CNTN4: variants seen among roughly 807,000 people sequenced by gnomAD.
CNTN4 encodes the protein contactin 4, also known as contactin-4.
In CNTN4, 77 loss-of-function variants were observed where a neutral mutation model predicts 122.5. The observed-to-expected ratio is 0.63, with a 90% CI of 0.52 to 0.76. CNTN4 has a LOEUF of 0.76. Ranked by LOEUF, CNTN4 falls within the 30% of genes least tolerant of loss-of-function variation. CNTN4 has a pLI of 0.00. For missense variants in CNTN4, 1,256 were observed against 1,259.1 expected, an observed-to-expected ratio of 1.00 and a Z score of 0.04; for synonymous variants, 512 against 447.0, an observed-to-expected ratio of 1.15 and a Z score of -1.83.
At chr3:2,795,585 A>G (rs2092147729) in intron 6 of CNTN4, among the ~76,000 whole-genome samples, 1 of 147,024 alleles carries the variant, frequency 6.8e-6, no homozygotes, top group Admixed American at 7.0e-5. Flanking sequence ...CGGTGGTGCC[A>G]TCTCGGCTCA....
intron 2 of CNTN4, among the ~76,000 whole-genome samples, chr3:2,137,463 A>G (rs1174167426): frequency 6.6e-6 from 1 of 151,922 alleles, no homozygotes; most frequent in Non-Finnish European, 1.5e-5. Flanking sequence ...TGTCTTGTCT[A>G]TATTTTCATT....
intron 2 of CNTN4, among the ~76,000 whole-genome samples, chr3:2,168,332 G>A (rs893522887): frequency 1.3e-5 from 2 of 152,006 alleles, no homozygotes; most frequent in African/African-American, 4.8e-5. Flanking sequence ...TGAGCTACTT[G>A]GAAATTAAAA....
At chr3:2,896,970 A>G (rs1395050368) in intron 10 of CNTN4, among the ~76,000 whole-genome samples, 1 of 78,914 alleles carries the variant, frequency 1.3e-5, no homozygotes, top group African/African-American at 5.5e-5. Context: ...CCTTTCTTTT[A>G]TATTTTTAAA....
chr3:2,155,837 G>A (rs1347267074), intron 2 of CNTN4, among the ~76,000 whole-genome samples: 3 of 152,172 alleles, frequency 2.0e-5, no homozygotes, highest in African/African-American at 4.8e-5. Context: ...TCATCCTTAA[G>A]ATCTCAGAAT....
At chr3:2,972,530 T>C (rs1193774792) in intron 13 of CNTN4, among the ~76,000 whole-genome samples, 1 of 152,188 alleles carries the variant, frequency 6.6e-6, no homozygotes, top group Non-Finnish European at 1.5e-5. Flanking sequence ...ATTTGAATAA[T>C]TTGCTGCTGT....
chr3:2,679,559 G>C (rs573071298), intron 4 of CNTN4, among the ~76,000 whole-genome samples: 1 of 152,312 alleles, frequency 6.6e-6, no homozygotes, highest in East Asian at 1.9e-4. Context: ...TATTCTTTAA[G>C]AGTCCTTGGA....
intron 4 of CNTN4, among the ~76,000 whole-genome samples, chr3:2,723,581 A>AGGGT (rs1195114184): frequency 1.3e-5 from 2 of 152,184 alleles, no homozygotes; most frequent in Non-Finnish European, 2.9e-5. Flanking sequence ...AAAAGGCAAG[A>AGGGT]GGGTTGAATG....
chr3:2,390,966 AG>A (rs1216697028), intron 3 of CNTN4, among the ~76,000 whole-genome samples: 2 of 152,366 alleles, frequency 1.3e-5, no homozygotes, highest in African/African-American at 2.4e-5. Flanking sequence ...ATAAAATAAG[AG>A]ATGCAAAGCA....
chr3:2,671,305 C>T (rs535945661), intron 4 of CNTN4, among the ~76,000 whole-genome samples: 1 of 152,204 alleles, frequency 6.6e-6, no homozygotes, highest in Non-Finnish European at 1.5e-5. Flanking sequence ...ATTCTTTTTT[C>T]TCTAAACTTC....
intron 3 of CNTN4, among the ~76,000 whole-genome samples, chr3:2,479,114 G>A (rs2075913203): frequency 6.6e-6 from 1 of 151,954 alleles, no homozygotes; most frequent in Admixed American, 6.6e-5. Context: ...TGACTAGAAA[G>A]CATCAACCAT....
chr3:2,992,276 T>G (rs1229904757), intron 14 of CNTN4, among the ~76,000 whole-genome samples: 1 of 152,216 alleles, frequency 6.6e-6, no homozygotes, highest in African/African-American at 2.4e-5. Flanking sequence ...ATCATCTGAA[T>G]TCCTAAATTT....
chr3:2,484,083 T>C (rs912072066), intron 3 of CNTN4, among the ~76,000 whole-genome samples: 1 of 152,072 alleles, frequency 6.6e-6, no homozygotes, highest in African/African-American at 2.4e-5. Flanking sequence ...TAGCAAAATC[T>C]ACAAAGAACT....
chr3:3,008,310 G>T lies in CNTN4; in HGVS notation c.1487-17792G>T, dbSNP rs551657989. Among the ~76,000 whole-genome samples the T allele has an allele frequency of 2.6e-5, 4 of 152,234 alleles. No homozygotes were observed. The South Asian group carries it at 8.3e-4, about 32-fold the overall frequency. ...AAAAACGCCATTCTCCTAAATGAGC[G>T]TTAGGCCACAGAACACGAAATCTGT... On this transcript the variant is annotated intron_variant, in intron 14 of 24. Coordinates refer to ENST00000418658, the MANE Select transcript of CNTN4 (RefSeq NM_175607.3).
chr3:2,206,362 A>C (rs1449875588), intron 2 of CNTN4, among the ~76,000 whole-genome samples: 1 of 152,106 alleles, frequency 6.6e-6, no homozygotes, highest in Admixed American at 6.6e-5. Flanking sequence ...CAGGCAGGTC[A>C]ATGTTCATTT....
chr3:2,571,482 C>CAATAA lies in CNTN4; in HGVS notation c.-22_-21insAATAA. 6.2e-7 allele frequency: 1 copy of CAATAA among 1,600,954 alleles called. No homozygotes were observed. The highest frequency in any genetic ancestry group is 8.6e-7 in the Non-Finnish European group (1 of 1,168,000). ...TCGCTTGTTATTGGACTTGAAACTC[C>CAATAA]CTTTGACCTCGGAAACTGAAGATGA... On this transcript the variant is annotated 5_prime_UTR_variant, in exon 4 of 25. Transcript: ENST00000418658.
At chr3:3,037,374 T>C in intron 18 of CNTN4, 46 bp downstream of exon 18, 2 of 1,613,512 alleles carry the variant, frequency 1.2e-6, no homozygotes, top group Non-Finnish European at 1.7e-6. Flanking sequence ...CCAGCTGCTG[T>C]TCCTTAGGAA....
chr3:2,955,012 G>T (rs2094784284), intron 13 of CNTN4, among the ~76,000 whole-genome samples: 1 of 152,120 alleles, frequency 6.6e-6, no homozygotes, highest in African/African-American at 2.4e-5. Flanking sequence ...GAAATGGGTG[G>T]TGGATAATAG....
intron 2 of CNTN4, among the ~76,000 whole-genome samples, chr3:2,223,844 G>A (rs968322268): frequency 5.9e-5 from 9 of 152,136 alleles, no homozygotes; most frequent in Non-Finnish European, 1.2e-4. Flanking sequence ...AATTACATAT[G>A]TAAGTGCAGC....
intron 2 of CNTN4, among the ~76,000 whole-genome samples, chr3:2,186,682 T>C (rs1191345496): frequency 6.6e-6 from 1 of 152,248 alleles, no homozygotes; most frequent in East Asian, 1.9e-4. Flanking sequence ...TGATGGTCAG[T>C]GATGATGAGC....
Sources: gnomAD v4.1 joint callset for allele counts (sites outside exome capture counted in the v4.1 genomes callset) on GRCh38, gnomAD v4.1.1 for gene constraint, MANE v1.5 for transcripts, NCBI Gene and HGNC (gene_info 2026-07-23, HGNC 2026-07-21) for gene names.